Variants in TAFA1 observed in about 807,000 individuals in gnomAD.
TAFA1 encodes TAFA chemokine like family member 1, also known as chemokine-like protein TAFA-1.
Under a neutral mutation model 18.5 loss-of-function variants are expected in TAFA1, and 4 were observed. That is an observed-to-expected ratio of 0.22 (90% CI 0.11 to 0.49). The LOEUF (loss-of-function observed/expected upper bound fraction) is 0.49, where lower values mean the gene tolerates loss of function less well. Ranked by LOEUF, TAFA1 falls within the 20% of genes least tolerant of loss-of-function variation. The pLI is 0.98. For missense variants in TAFA1, 147 were observed against 169.0 expected, an observed-to-expected ratio of 0.87 and a Z score of 0.72; for synonymous variants, 56 against 55.2, an observed-to-expected ratio of 1.01 and a Z score of -0.06.
rs540555234 is a variant in TAFA1, at chr3:68,079,720, G to A, written c.118+72976G>A. 2.6e-5 allele frequency among the ~76,000 whole-genome samples: 4 copies of A among 152,238 alleles called. No homozygotes were observed. In the East Asian group the frequency reaches 5.8e-4, roughly 22 times the overall value. On this transcript the variant is annotated intron_variant, in intron 2 of 4. Coordinates refer to ENST00000478136, the MANE Select transcript of TAFA1 (RefSeq NM_213609.4). Reference sequence around the variant, plus strand: ...TGTTCTTTTACATTTGCTGAGGAGAGCTTTACTTCCAAGTATGTGGTCAAT... The same window carrying A: ...TGTTCTTTTACATTTGCTGAGGAGAACTTTACTTCCAAGTATGTGGTCAAT...
chr3:68,068,034 C>T lies in TAFA1; in HGVS notation c.118+61290C>T, dbSNP rs541607919. The stretch of plus-strand genomic sequence containing the variant: ...TGTTGCTTCCTTTGACATTCGCCAT[C>T]CTTGCAGTTCTTCACATGGCAGTAA... On this transcript the variant is annotated intron_variant, in intron 2 of 4. Coordinates refer to ENST00000478136, the MANE Select transcript of TAFA1 (RefSeq NM_213609.4). 9.2e-5 allele frequency among the ~76,000 whole-genome samples: 14 copies of T among 152,284 alleles called. 1 individual carries two copies. Among genetic ancestry groups the T allele is most frequent in the African/African-American group, 2.4e-4 (10 of 41,572 alleles).
chr3:68,028,262 T>C (rs2106644057), intron 2 of TAFA1, among the ~76,000 whole-genome samples: 1 of 152,186 alleles, frequency 6.6e-6, no homozygotes, highest in South Asian at 2.1e-4. Flanking sequence ...ATCATGCCAC[T>C]GCACTCCAGC....
intron 2 of TAFA1, among the ~76,000 whole-genome samples, chr3:68,077,902 G>C (rs923706335): frequency 6.6e-6 from 1 of 151,152 alleles, no homozygotes; most frequent in Non-Finnish European, 1.5e-5. Flanking sequence ...ACCTTGGGCA[G>C]TATGGACACT....
rs868061664 is a variant in TAFA1, at chr3:68,329,235, T to C, written c.119-88045T>C. Among the ~76,000 whole-genome samples, 10 of 145,470 alleles carry C rather than the reference T, an allele frequency of 6.9e-5. No individual in the cohort carries two copies. In the South Asian group the frequency reaches 2.3e-3, roughly 33 times the overall value. On this transcript the variant is annotated intron_variant, in intron 2 of 4. Coordinates refer to ENST00000478136, the MANE Select transcript of TAFA1 (RefSeq NM_213609.4). ...GGCTGCCTTTTTTTTTTTTTTTTTTTTTTTGTATTTTTAGTAGAGACGGGG... is the reference window on the plus strand; with the variant it reads ...GGCTGCCTTTTTTTTTTTTTTTTTTCTTTTGTATTTTTAGTAGAGACGGGG...
intron 2 of TAFA1, among the ~76,000 whole-genome samples, chr3:68,310,254 A>G (rs1040834470): frequency 6.6e-6 from 1 of 152,190 alleles, no homozygotes; most frequent in African/African-American, 2.4e-5. Flanking sequence ...TCTAGTAGGA[A>G]TGGAGATCTT....
chr3:68,353,064 A>T (rs1038409099), intron 2 of TAFA1, among the ~76,000 whole-genome samples: 1 of 152,064 alleles, frequency 6.6e-6, no homozygotes, highest in African/African-American at 2.4e-5. Flanking sequence ...AACAAATGAG[A>T]TGACTCCCTT....
At chr3:68,293,661 C>T (rs1027464983) in intron 2 of TAFA1, among the ~76,000 whole-genome samples, 6 of 152,168 alleles carry the variant, frequency 3.9e-5, no homozygotes, top group Non-Finnish European at 8.8e-5. Context: ...GGCACATGTG[C>T]TTGATCAATG....
At chr3:68,266,442 C>G (rs2067548212) in intron 2 of TAFA1, among the ~76,000 whole-genome samples, 1 of 152,116 alleles carries the variant, frequency 6.6e-6, no homozygotes, top group African/African-American at 2.4e-5. Context: ...CTCTGACACC[C>G]CTTCACTACC....
chr3:68,519,441 G>A (rs2072981991), intron 3 of TAFA1, among the ~76,000 whole-genome samples: 1 of 152,118 alleles, frequency 6.6e-6, no homozygotes, highest in African/African-American at 2.4e-5. Flanking sequence ...TATCCCAAAT[G>A]GACAAAGCCA....
chr3:68,180,215 T>G (rs1184296004), intron 2 of TAFA1, among the ~76,000 whole-genome samples: 1 of 151,558 alleles, frequency 6.6e-6, no homozygotes, highest in Non-Finnish European at 1.5e-5. Flanking sequence ...TTTTTTTGTA[T>G]TTTTAGTAGA....
At chr3:68,496,475 C>T (rs936430254) in intron 3 of TAFA1, among the ~76,000 whole-genome samples, 9 of 152,094 alleles carry the variant, frequency 5.9e-5, no homozygotes, top group South Asian at 2.1e-4. Flanking sequence ...GGAGATGTTA[C>T]GTGTAGGTTC....
intron 3 of TAFA1, among the ~76,000 whole-genome samples, chr3:68,440,104 C>T (rs535611082): frequency 6.6e-6 from 1 of 151,972 alleles, no homozygotes; most frequent in Non-Finnish European, 1.5e-5. Flanking sequence ...ATGGGAGAAA[C>T]TGGGTGGGAG....
chr3:68,149,621 A>G (rs569146938), intron 2 of TAFA1, among the ~76,000 whole-genome samples: 1 of 152,236 alleles, frequency 6.6e-6, no homozygotes, highest in Admixed American at 6.5e-5. Context: ...TAGAGCAAGA[A>G]CTCATTCATT....
chr3:68,340,009 T>C (rs1359013128), intron 2 of TAFA1, among the ~76,000 whole-genome samples: 3 of 152,222 alleles, frequency 2.0e-5, no homozygotes, highest in African/African-American at 7.2e-5. Context: ...CTTTTTATTT[T>C]CTTCTAATTA....
chr3:68,235,663 T>A (rs1178640540), intron 2 of TAFA1, among the ~76,000 whole-genome samples: 1 of 152,072 alleles, frequency 6.6e-6, no homozygotes, highest in Non-Finnish European at 1.5e-5. Context: ...GCTCTGTAGA[T>A]CAAGTATGGC....
chr3:68,534,325 C>T (rs1212827131), intron 3 of TAFA1, among the ~76,000 whole-genome samples: 1 of 152,182 alleles, frequency 6.6e-6, no homozygotes, highest in Non-Finnish European at 1.5e-5. Context: ...TAACCTGTTC[C>T]AAGCCCCTAT....
At chr3:67,992,230 C>A in the TAFA1 span, among the ~76,000 whole-genome samples, 1 of 152,192 alleles carries the variant, frequency 6.6e-6, no homozygotes, top group Non-Finnish European at 1.5e-5. Context: ...CTCCTACTGA[C>A]CCCCACTGGA....
intron 2 of TAFA1, among the ~76,000 whole-genome samples, chr3:68,370,014 T>G (rs763005542): frequency 2.6e-5 from 4 of 151,374 alleles, no homozygotes; most frequent in Non-Finnish European, 4.4e-5. Flanking sequence ...TTGGGCCAGG[T>G]GTGGTGGCTC....
chr3:68,444,999 A>G (rs1047482713), intron 3 of TAFA1, among the ~76,000 whole-genome samples: 7 of 151,932 alleles, frequency 4.6e-5, no homozygotes, highest in Admixed American at 2.0e-4. Flanking sequence ...TAACTGATCA[A>G]TGATGGTTGA....
Sources: allele counts gnomAD v4.1 joint callset (sites outside exome capture counted in the v4.1 genomes callset), GRCh38; gene constraint gnomAD v4.1.1; transcripts MANE v1.5; gene names NCBI Gene and HGNC (gene_info 2026-07-23, HGNC 2026-07-21).